STX6: variants seen among roughly 807,000 people sequenced by gnomAD.
STX6 encodes the protein syntaxin 6.
In STX6, 23 loss-of-function variants were observed where a neutral mutation model predicts 38.0. The ratio of observed to expected loss-of-function variants is 0.60; its 90% CI spans 0.43 to 0.86. The LOEUF is 0.86. Among genes scored for constraint, STX6 ranks in the 40% least tolerant of loss-of-function variants. STX6 has a pLI of 0.00. For missense variants in STX6, 274 were observed against 312.9 expected, an observed-to-expected ratio of 0.88 and a Z score of 0.94; for synonymous variants, 123 against 107.5, an observed-to-expected ratio of 1.14 and a Z score of -0.89.
chr1:180,985,587 C>T (rs1017961457), intron 6 of STX6, among the ~76,000 whole-genome samples: 5 of 152,228 alleles, frequency 3.3e-5, no homozygotes, highest in African/African-American at 1.2e-4. Context: ...CATCTGTCCT[C>T]ACAGAGAAAC....
intron 1 of STX6, among the ~76,000 whole-genome samples, chr1:181,008,862 A>C (rs565642581): frequency 6.6e-6 from 1 of 151,500 alleles, no homozygotes; most frequent in Non-Finnish European, 1.5e-5. Context: ...TTTTTAGATA[A>C]ATTTGAGATT....
chr1:180,975,246 C>T lies in STX6; in HGVS notation c.*1324G>A, dbSNP rs1254844492. ...AGGAGAGACCAGCAGCCTCCACCAC[C>T]GAGTTCTGGCTCTGGGTCCAAATAC... is the stretch of plus-strand genomic sequence containing the variant. On this transcript the variant is annotated 3_prime_UTR_variant, in exon 8 of 8. Transcript: ENST00000258301. The T allele has an allele frequency of 3.3e-5, 5 of 152,710 alleles. No homozygotes were observed. The East Asian group carries it at 5.8e-4, about 18-fold the overall frequency. 9.5% of individuals were successfully genotyped at this position (152,710 alleles called of 1,614,324 possible).
rs1225629941 is a variant in STX6 at position 180,984,767 on chromosome 1, A to G, written c.601T>C (p.Leu201=). 1 of 1,533,514 alleles carries G rather than the reference A, an allele frequency of 6.5e-7. No individual in the cohort carries two copies. The allele number at this position is 1,533,514 out of a possible 1,614,324, so 95.0% of individuals were successfully genotyped here. ...GGELEEQAVM[L]EDFSHELEST... is the part of the protein sequence containing the mutation. ...TCCAATTCGTGAGAGAAATCTTCCA[A>G]CATACTAGAGAGAAGCAGACACAGA... Residue 201 remains leucine, a synonymous_variant, in exon 7 of 8, where the codon TTG becomes CTG. Transcript: ENST00000258301.
At chr1:181,011,721 ATTTC>A (rs1165473358) in intron 1 of STX6, among the ~76,000 whole-genome samples, 1 of 152,164 alleles carries the variant, frequency 6.6e-6, no homozygotes, top group Non-Finnish European at 1.5e-5. Flanking sequence ...TTGATTTCAC[ATTTC>A]TTTCTCAGGA....
intron 6 of STX6, chr1:180,987,693 A>C (rs1329410714): frequency 1.3e-5 from 2 of 152,214 alleles, no homozygotes; most frequent in African/African-American, 4.8e-5. Context: ...TGGGTGCAAA[A>C]GGGATTGTTC....
At chr1:180,992,830 T>G (rs116718237) in intron 4 of STX6, among the ~76,000 whole-genome samples, 1,869 of 152,312 alleles carry the variant, frequency 0.012, 40 homozygotes, top group African/African-American at 0.043. Context: ...CACACAAGTT[T>G]AAGGTTCCTC....
intron 3 of STX6, among the ~76,000 whole-genome samples, chr1:180,994,678 AG>A (rs1287765295): frequency 1.3e-5 from 2 of 152,204 alleles, no homozygotes; most frequent in Non-Finnish European, 2.9e-5. Context: ...AGAAGAGTGC[AG>A]GGGGAAAGGA....
At chr1:181,007,139 T>C (rs1201033172) in intron 1 of STX6, among the ~76,000 whole-genome samples, 1 of 152,012 alleles carries the variant, frequency 6.6e-6, no homozygotes, top group Non-Finnish European at 1.5e-5. Context: ...AGGGGATTGG[T>C]TCCAGGACCT....
In STX6 at chr1:181,003,602, C is replaced by CA. The variant is rs1252400953; in HGVS notation, c.206-903dup. ...AAGGTACCAGGGTCATCATGAATAA[C>CA]AAAAATTATTTACTCCATGTATCAA... is the stretch of plus-strand genomic sequence containing the variant. On this transcript the variant is annotated intron_variant, in intron 2 of 7. Transcript: ENST00000258301. 1.1e-4 allele frequency among the ~76,000 whole-genome samples: 17 copies of CA among 152,210 alleles called. No homozygotes were observed. The East Asian group carries it at 3.3e-3, about 29-fold the overall frequency.
At chr1:181,017,516 ACT>A (rs1329060913) in intron 1 of STX6, among the ~76,000 whole-genome samples, 3 of 152,070 alleles carry the variant, frequency 2.0e-5, no homozygotes, top group Non-Finnish European at 4.4e-5. Context: ...GCTCACTTAT[ACT>A]CTGTCTCCAC....
intron 7 of STX6, among the ~76,000 whole-genome samples, chr1:180,979,045 T>C (rs1558085666): frequency 6.6e-6 from 1 of 152,108 alleles, no homozygotes; most frequent in Non-Finnish European, 1.5e-5. Context: ...TGCTACAGGC[T>C]TTAATGGAAA....
rs57204299 is a variant in STX6, at chr1:180,984,088, A to AAAAAAC, written c.691+588_691+589insGTTTTT. 1.5e-3 allele frequency among the ~76,000 whole-genome samples: 152 copies of AAAAAAC among 101,454 alleles called. 31 individuals carry two copies. The highest frequency in any genetic ancestry group is 2.9e-3 in the Non-Finnish European group (121 of 41,126). 66.6% of individuals were successfully genotyped at this position (101,454 alleles called of 152,430 possible). On this transcript the variant is annotated intron_variant, in intron 7 of 7. Coordinates refer to ENST00000258301, the MANE Select transcript of STX6 (RefSeq NM_005819.6). ...CAAAAAAAAAAAAAAAAAAAAAAAA[A>AAAAAAC]AACACAACGAAAGTGACTCTACTGG... is the stretch of plus-strand genomic sequence containing the variant.
intron 3 of STX6, among the ~76,000 whole-genome samples, chr1:180,996,751 T>C (rs527311045): frequency 6.6e-6 from 1 of 152,270 alleles, no homozygotes; most frequent in African/African-American, 2.4e-5. Context: ...TTTTAAATTT[T>C]TGGTAGAGAT....
rs1339394978 is a variant in STX6, at chr1:181,021,896, C to T, written c.35+743G>A. Among the ~76,000 whole-genome samples the T allele has an allele frequency of 2.0e-5, 3 of 152,342 alleles. No homozygotes were observed. In the East Asian group the frequency reaches 5.8e-4, roughly 29 times the overall value. On this transcript the variant is annotated intron_variant, in intron 1 of 7. Coordinates refer to ENST00000258301, the MANE Select transcript of STX6 (RefSeq NM_005819.6). ...GAAATCAAGGAGTTAACAAGCAACA[C>T]TCATTTCCTTTAGCACTGTGAGAAA...
chr1:181,013,295 TA>T (rs1656463286), intron 1 of STX6, among the ~76,000 whole-genome samples: 4 of 152,202 alleles, frequency 2.6e-5, no homozygotes, highest in African/African-American at 9.7e-5. Flanking sequence ...ACAAATTGCG[TA>T]AGTGTAGCCA....
intron 6 of STX6, among the ~76,000 whole-genome samples, chr1:180,985,774 A>T (rs925763466): frequency 3.3e-5 from 5 of 152,240 alleles, no homozygotes; most frequent in African/African-American, 4.8e-5. Context: ...GCTAGAATGT[A>T]ATATGCCAAT....
rs1031260726 is a variant in STX6 at position 180,975,922 on chromosome 1, G to A, written c.*648C>T. 1.3e-5 allele frequency: 2 copies of A among 152,210 alleles called. No individual in the cohort carries two copies. The highest frequency in any genetic ancestry group is 4.8e-5 in the African/African-American group (2 of 41,292). 9.4% of individuals were successfully genotyped at this position (152,210 alleles called of 1,614,324 possible). On this transcript the variant is annotated 3_prime_UTR_variant, in exon 8 of 8. Transcript: ENST00000258301. The stretch of plus-strand genomic sequence containing the variant: ...AGTTGTTAGCACCCCCAAACCCCAG[G>A]GTGTTTCATTATTTTCCATTAGTTA...
At chr1:180,987,467 C>G (rs1458353955) in intron 6 of STX6, among the ~76,000 whole-genome samples, 1 of 152,242 alleles carries the variant, frequency 6.6e-6, no homozygotes, top group Non-Finnish European at 1.5e-5. Flanking sequence ...CTTGTCTGCT[C>G]TGTTCCCTTC....
chr1:180,976,733 A>T, intron 7 of STX6, 87 bp from the exon 8 acceptor site: 1 of 1,295,880 alleles, frequency 7.7e-7, no homozygotes, highest in Non-Finnish European at 1.1e-6. Flanking sequence ...CACCCTTTGA[A>T]GCAGAAAAGG....
Sources: allele counts gnomAD v4.1 joint callset (sites outside exome capture counted in the v4.1 genomes callset), GRCh38; gene constraint gnomAD v4.1.1; transcripts MANE v1.5; gene names NCBI Gene and HGNC (gene_info 2026-07-23, HGNC 2026-07-21).